The following CAMK2D variants were observed in gnomAD, a reference collection of about 807,000 sequenced individuals.
CAMK2D encodes the protein calcium/calmodulin-dependent protein kinase type II subunit delta.
A neutral mutation model predicts 84.0 loss-of-function variants in CAMK2D; 37 were observed. That is an observed-to-expected ratio of 0.44 (90% confidence interval 0.34 to 0.58). The LOEUF (loss-of-function observed/expected upper bound fraction) is 0.58. Ranked by LOEUF, CAMK2D falls within the 20% of genes least tolerant of loss-of-function variation. The pLI, the probability that CAMK2D is intolerant of heterozygous loss-of-function variation, is 0.02. For synonymous variants in CAMK2D, 202 were observed against 212.5 expected, an observed-to-expected ratio of 0.95 and a Z score of 0.43; for missense variants, 448 against 652.5, an observed-to-expected ratio of 0.69 and a Z score of 3.41.
intron 3 of CAMK2D, among the ~76,000 whole-genome samples, chr4:113,636,943 C>T (rs76986293): frequency 6.6e-6 from 1 of 152,102 alleles, no homozygotes; most frequent in East Asian, 1.9e-4. Context: ...AGTCCCCTCA[C>T]TCCACACCAC....
At chr4:113,623,445 C>T (rs2099055021) in intron 3 of CAMK2D, among the ~76,000 whole-genome samples, 1 of 152,018 alleles carries the variant, frequency 6.6e-6, no homozygotes, top group Non-Finnish European at 1.5e-5. Flanking sequence ...CACTTAACTA[C>T]AGAGATACAT....
intron 2 of CAMK2D, among the ~76,000 whole-genome samples, chr4:113,723,890 C>G (rs2099538376): frequency 6.6e-6 from 1 of 152,066 alleles, no homozygotes. Context: ...TCTGTTTCTG[C>G]AATTAATATT....
At chr4:113,663,108 A>G (rs2099241750) in intron 2 of CAMK2D, among the ~76,000 whole-genome samples, 1 of 152,234 alleles carries the variant, frequency 6.6e-6, no homozygotes, top group Non-Finnish European at 1.5e-5. Flanking sequence ...ATTATCTAAA[A>G]TTATACCTAC....
At chr4:113,685,935 A>T (rs2099358418) in intron 2 of CAMK2D, among the ~76,000 whole-genome samples, 1 of 152,038 alleles carries the variant, frequency 6.6e-6, no homozygotes, top group Non-Finnish European at 1.5e-5. Flanking sequence ...GTGGTGGCGC[A>T]TGCCTGTAAT....
At chr4:113,746,242 T>C (rs1425759683) in intron 2 of CAMK2D, among the ~76,000 whole-genome samples, 1 of 152,246 alleles carries the variant, frequency 6.6e-6, no homozygotes, top group East Asian at 1.9e-4. Context: ...ATTTCTAATA[T>C]GGTATTTCTA....
At chr4:113,755,274 T>G (rs890993444) in intron 2 of CAMK2D, among the ~76,000 whole-genome samples, 1 of 151,790 alleles carries the variant, frequency 6.6e-6, no homozygotes, top group Admixed American at 6.6e-5. Context: ...TATAAAGTCC[T>G]GATTCATGTA....
intron 2 of CAMK2D, among the ~76,000 whole-genome samples, chr4:113,668,375 T>A (rs1479194577): frequency 6.6e-6 from 1 of 152,182 alleles, no homozygotes; most frequent in East Asian, 1.9e-4. Context: ...ACTAGCTAGG[T>A]GTCCAAGTTA....
intron 2 of CAMK2D, among the ~76,000 whole-genome samples, chr4:113,680,883 G>A (rs145519631): frequency 6.6e-6 from 1 of 152,174 alleles, no homozygotes. Context: ...GCAGCACTGG[G>A]AACTTGGCTA....
intron 16 of CAMK2D, among the ~76,000 whole-genome samples, chr4:113,482,263 G>A (rs1049315908): frequency 3.3e-5 from 5 of 152,196 alleles, no homozygotes; most frequent in Non-Finnish European, 5.9e-5. Flanking sequence ...GAGTTGGTGA[G>A]CAGCAGTCAA....
chr4:113,750,902 T>G (rs146879119), intron 2 of CAMK2D, among the ~76,000 whole-genome samples: 356 of 152,128 alleles, frequency 2.3e-3, no homozygotes, highest in African/African-American at 8.2e-3. Flanking sequence ...TGACTGTAGT[T>G]CCAGCTACTC....
In CAMK2D at chr4:113,696,454, A is replaced by T. The variant is rs111278125; in HGVS notation, c.161-34682T>A. On this transcript the variant is annotated intron_variant, in intron 2 of 20. Transcript: ENST00000511664. ...TATTAAGTTGGTGGATCCATTAAGA[A>T]GCAAGAGAGATGAATTAAAGTCTCT... Among the ~76,000 whole-genome samples, 12 of 152,220 alleles carry T rather than the reference A, an allele frequency of 7.9e-5. 3 individuals are homozygous for T. Among genetic ancestry groups the T allele is most frequent in the African/African-American group, 2.9e-4 (12 of 41,546 alleles).
At chr4:113,543,104 C>T (rs943074257) in intron 6 of CAMK2D, among the ~76,000 whole-genome samples, 1 of 152,188 alleles carries the variant, frequency 6.6e-6, no homozygotes, top group South Asian at 2.1e-4. Context: ...ATCTTACTAC[C>T]TTGTTTCAAA....
intron 3 of CAMK2D, among the ~76,000 whole-genome samples, chr4:113,652,837 C>T (rs1010670675): frequency 1.3e-5 from 2 of 152,066 alleles, no homozygotes; most frequent in Non-Finnish European, 1.5e-5. Context: ...AATCTATGTA[C>T]TATAAGTAAC....
rs138611997 is a variant in CAMK2D at position 113,678,979 on chromosome 4, A to G, written c.161-17207T>C. On this transcript the variant is annotated intron_variant, in intron 2 of 20. Coordinates refer to ENST00000511664, the MANE Select transcript of CAMK2D (RefSeq NM_001321571.2). ...TACTCCCTGCCCCTACCTCCACACC[A>G]GAATAACCACTATTCTGATTTCTAA... Among the ~76,000 whole-genome samples the G allele has an allele frequency of 2.2e-4, 33 of 152,282 alleles. No homozygotes were observed. In the East Asian group the frequency reaches 6.2e-3, roughly 28 times the overall value.
chr4:113,597,973 A>G (rs1223342748), intron 4 of CAMK2D, among the ~76,000 whole-genome samples: 2 of 152,228 alleles, frequency 1.3e-5, no homozygotes, highest in African/African-American at 4.8e-5. Context: ...ACTTTTCTAC[A>G]GATTCAATGA....
chr4:113,496,787 A>G (rs2097940049), intron 16 of CAMK2D, among the ~76,000 whole-genome samples: 1 of 149,064 alleles, frequency 6.7e-6, no homozygotes, highest in African/African-American at 2.5e-5. Context: ...TCTCCATGAC[A>G]CTGAGTTTGC....
chr4:113,578,768 C>T (rs17592616), intron 4 of CAMK2D, among the ~76,000 whole-genome samples: 6,119 of 152,174 alleles, frequency 0.04, 356 homozygotes, highest in East Asian at 0.19. Context: ...TAAAAGTCAT[C>T]GTAAGATTTT....
At chr4:113,475,494 A>G (rs540060688) in intron 16 of CAMK2D, among the ~76,000 whole-genome samples, 42 of 152,334 alleles carry the variant, frequency 2.8e-4, no homozygotes, top group Middle Eastern at 3.4e-3. Flanking sequence ...TTTTAAAGGT[A>G]TCTTCCCCCC....
chr4:113,532,768 G>C (rs1286791843), intron 7 of CAMK2D, among the ~76,000 whole-genome samples: 1 of 152,118 alleles, frequency 6.6e-6, no homozygotes, highest in Non-Finnish European at 1.5e-5. Flanking sequence ...TTCTCCTTCT[G>C]AGCCCTTGAC....
Sources: allele counts gnomAD v4.1 joint callset (sites outside exome capture counted in the v4.1 genomes callset), GRCh38; gene constraint gnomAD v4.1.1; transcripts MANE v1.5; gene names NCBI Gene and HGNC (gene_info 2026-07-23, HGNC 2026-07-21).